The following MRAP2 variants were observed in gnomAD, a reference collection of about 807,000 sequenced individuals.
MRAP2 encodes melanocortin 2 receptor accessory protein 2.
MRAP2 carries 20 observed loss-of-function variants against 17.4 expected under a neutral mutation model. The ratio of observed to expected loss-of-function variants is 1.15; its 90% CI spans 0.81 to 1.67. MRAP2 has a LOEUF of 1.67. MRAP2 is among the 40% of genes most tolerant of loss of function. The pLI is 0.00. For synonymous variants in MRAP2, 96 were observed against 88.4 expected, an observed-to-expected ratio of 1.09 and a Z score of -0.48; for missense variants, 238 against 240.0, an observed-to-expected ratio of 0.99 and a Z score of 0.05.
chr6:84,103,268 A>C, the MRAP2 span, among the ~76,000 whole-genome samples: 1 of 152,172 alleles, frequency 6.6e-6, no homozygotes, highest in African/African-American at 2.4e-5. Flanking sequence ...TATTTGTGCC[A>C]TGATGGTAGA....
the MRAP2 span, among the ~76,000 whole-genome samples, chr6:84,111,148 G>A: frequency 4.6e-5 from 7 of 152,170 alleles, 1 homozygote. Flanking sequence ...AAGAAAGTCA[G>A]TGGTAGCTTG....
chr6:84,053,148 C>T (rs1642671022), intron 1 of MRAP2, among the ~76,000 whole-genome samples: 1 of 152,124 alleles, frequency 6.6e-6, no homozygotes, highest in African/African-American at 2.4e-5. Flanking sequence ...GAACAGCTCT[C>T]GGTTCTGTGG....
chr6:84,106,358 C>T, the MRAP2 span, among the ~76,000 whole-genome samples: 1 of 152,164 alleles, frequency 6.6e-6, no homozygotes, highest in Non-Finnish European at 1.5e-5. Flanking sequence ...CTGTCTATTC[C>T]ACTAAGGACA....
chr6:84,075,277 G>T (rs2129171920), intron 3 of MRAP2, among the ~76,000 whole-genome samples: 1 of 152,276 alleles, frequency 6.6e-6, no homozygotes, highest in Non-Finnish European at 1.5e-5. Context: ...GGCTGGGAAG[G>T]GTAGTCTTCT....
At chr6:84,036,692 T>C (rs1222436611) in intron 1 of MRAP2, among the ~76,000 whole-genome samples, 2 of 152,162 alleles carry the variant, frequency 1.3e-5, no homozygotes, top group Admixed American at 6.5e-5. Context: ...CACTGCTGGC[T>C]CCAGTAGCCT....
intron 2 of MRAP2, among the ~76,000 whole-genome samples, chr6:84,060,929 G>C (rs1018292882): frequency 1.8e-4 from 26 of 144,010 alleles, no homozygotes; most frequent in African/African-American, 6.9e-4. Context: ...TTGATCTCCT[G>C]ACCTCGTGAT....
At chr6:84,086,649 A>C (rs2099500537) in intron 3 of MRAP2, among the ~76,000 whole-genome samples, 2 of 152,326 alleles carry the variant, frequency 1.3e-5, no homozygotes, top group Non-Finnish European at 2.9e-5. Context: ...AATCAGACAC[A>C]TCATACTGTT....
the MRAP2 span, among the ~76,000 whole-genome samples, chr6:84,104,292 T>C: frequency 6.6e-6 from 1 of 152,182 alleles, no homozygotes. Context: ...GAAACCATCT[T>C]TTCCTCCTAG....
the MRAP2 span, chr6:84,126,401 G>A: frequency 6.2e-7 from 1 of 1,602,518 alleles, no homozygotes; most frequent in East Asian, 2.3e-5. Context: ...TGTTCTCTTT[G>A]TGCATGTCTC....
chr6:84,034,387 C>T (rs1010797923), intron 1 of MRAP2, among the ~76,000 whole-genome samples: 1 of 152,154 alleles, frequency 6.6e-6, no homozygotes, highest in African/African-American at 2.4e-5. Flanking sequence ...TTGACAGTTG[C>T]TCATTCATTT....
chr6:84,140,712 A>C, the MRAP2 span, among the ~76,000 whole-genome samples: 1 of 151,892 alleles, frequency 6.6e-6, no homozygotes, highest in Non-Finnish European at 1.5e-5. Flanking sequence ...TTTTATAGAG[A>C]TGATGTCTCG....
At chr6:84,116,729 G>A in the MRAP2 span, among the ~76,000 whole-genome samples, 1 of 152,062 alleles carries the variant, frequency 6.6e-6, no homozygotes, top group Non-Finnish European at 1.5e-5. Flanking sequence ...GGAATTTTCT[G>A]CATCTATTGA....
chr6:84,127,045 T>TGA, the MRAP2 span, among the ~76,000 whole-genome samples: 2 of 152,170 alleles, frequency 1.3e-5, no homozygotes, highest in African/African-American at 4.8e-5. Context: ...AATGAAGTAC[T>TGA]GAGCCCTTTC....
At chr6:84,062,554 T>G (rs1362771866) in intron 2 of MRAP2, 1 of 985,286 alleles carries the variant, frequency 1.0e-6, no homozygotes, top group Non-Finnish European at 1.2e-6. Context: ...GTTGATAGTC[T>G]GCTAAAAATT....
intron 1 of MRAP2, chr6:84,045,420 G>A (rs2099488721): frequency 1.0e-6 from 1 of 981,242 alleles, no homozygotes; most frequent in Non-Finnish European, 1.2e-6. Flanking sequence ...CGAATGACCT[G>A]CCCCCAGCCG....
intron 1 of MRAP2, among the ~76,000 whole-genome samples, chr6:84,036,671 G>T (rs1310804562): frequency 2.0e-5 from 3 of 152,130 alleles, no homozygotes; most frequent in East Asian, 1.9e-4. Flanking sequence ...AAGGGGACCT[G>T]AGCGCCTTAC....
At chr6:84,073,570 A>G (rs908258671) in intron 3 of MRAP2, among the ~76,000 whole-genome samples, 2 of 152,176 alleles carry the variant, frequency 1.3e-5, no homozygotes, top group Non-Finnish European at 2.9e-5. Context: ...CTGTCCATCC[A>G]AGTTGGAGTT....
chr6:84,054,375 A>G (rs1307974564), intron 1 of MRAP2, among the ~76,000 whole-genome samples: 2 of 152,148 alleles, frequency 1.3e-5, no homozygotes, highest in African/African-American at 4.8e-5. Context: ...TCTTCTCCCA[A>G]AGAAGTCAGG....
chr6:84,116,188 A>C, the MRAP2 span, among the ~76,000 whole-genome samples: 1 of 152,130 alleles, frequency 6.6e-6, no homozygotes, highest in Non-Finnish European at 1.5e-5. Flanking sequence ...GAGAGAGGGC[A>C]TCCTTGTTGA....
Sources: gnomAD v4.1 joint callset for allele counts (sites outside exome capture counted in the v4.1 genomes callset) on GRCh38, gnomAD v4.1.1 for gene constraint, MANE v1.5 for transcripts, NCBI Gene and HGNC (gene_info 2026-07-23, HGNC 2026-07-21) for gene names.